Variants in ANK2 observed in about 807,000 individuals in gnomAD.
The protein encoded by ANK2 is ankyrin-2.
Under a neutral mutation model 360.5 loss-of-function variants are expected in ANK2, and 83 were observed. The observed-to-expected ratio is 0.23, with a 90% confidence interval of 0.19 to 0.28. The LOEUF (loss-of-function observed/expected upper bound fraction) is 0.28, where lower values mean the gene tolerates loss of function less well. Among genes scored for constraint, ANK2 ranks in the 10% least tolerant of loss-of-function variants. The pLI, the probability that ANK2 is intolerant of heterozygous loss-of-function variation, is 1.00. For synonymous variants in ANK2, 1,740 were observed against 1,759.5 expected, an observed-to-expected ratio of 0.99 and a Z score of 0.28; for missense variants, 4,201 against 4,795.7, an observed-to-expected ratio of 0.88 and a Z score of 3.66.
At chr4:113,380,904 T>TTA (rs2154090790) in intron 45 of ANK2, among the ~76,000 whole-genome samples, 1 of 152,334 alleles carries the variant, frequency 6.6e-6, no homozygotes, top group African/African-American at 2.4e-5. Flanking sequence ...AGCCACCTTC[T>TTA]TATATATTGA....
the ANK2 span, among the ~76,000 whole-genome samples, chr4:112,796,608 C>G: frequency 6.6e-6 from 1 of 151,364 alleles, no homozygotes; most frequent in Non-Finnish European, 1.5e-5. Flanking sequence ...CTTTGGCCTC[C>G]CAAAGTTCTA....
chr4:112,792,426 G>A, the ANK2 span, among the ~76,000 whole-genome samples: 1 of 152,144 alleles, frequency 6.6e-6, no homozygotes, highest in Non-Finnish European at 1.5e-5. Flanking sequence ...TGGACCTAGT[G>A]ACAACTAAAC....
intron 2 of ANK2, among the ~76,000 whole-genome samples, chr4:112,939,179 A>G (rs1449141126): frequency 6.6e-6 from 1 of 152,244 alleles, no homozygotes; most frequent in Non-Finnish European, 1.5e-5. Flanking sequence ...AAATATTTTC[A>G]TGGCTATTTT....
chr4:112,976,877 T>G (rs2041612155), intron 2 of ANK2, among the ~76,000 whole-genome samples: 1 of 152,224 alleles, frequency 6.6e-6, no homozygotes, highest in African/African-American at 2.4e-5. Context: ...ATATCCTCCT[T>G]GGACTCATTT....
chr4:112,893,718 A>G (rs1174091489), intron 1 of ANK2, among the ~76,000 whole-genome samples: 1 of 152,180 alleles, frequency 6.6e-6, no homozygotes, highest in South Asian at 2.1e-4. Context: ...CATGCAGGCC[A>G]GGTGCAGTGG....
chr4:113,199,835 A>G (rs1003638082), intron 4 of ANK2, among the ~76,000 whole-genome samples: 1 of 152,142 alleles, frequency 6.6e-6, no homozygotes, highest in African/African-American at 2.4e-5. Flanking sequence ...ATCATGGAGG[A>G]TATTAGCAAA....
chr4:113,089,533 A>T (rs1384090964), intron 1 of ANK2, among the ~76,000 whole-genome samples: 1 of 152,234 alleles, frequency 6.6e-6, no homozygotes, highest in African/African-American at 2.4e-5. Context: ...ATCAATTAAA[A>T]AAGCAGATGA....
At chr4:112,976,028 C>T (rs993650514) in intron 2 of ANK2, among the ~76,000 whole-genome samples, 15 of 152,224 alleles carry the variant, frequency 9.9e-5, no homozygotes, top group Non-Finnish European at 1.8e-4. Context: ...AATATGCTCA[C>T]ACATGCTCTG....
intron 1 of ANK2, among the ~76,000 whole-genome samples, chr4:113,120,420 A>G (rs1318383847): frequency 6.6e-6 from 1 of 152,162 alleles, no homozygotes; most frequent in African/African-American, 2.4e-5. Flanking sequence ...GTGATTTATC[A>G]GCGTTTTCAC....
intron 1 of ANK2, among the ~76,000 whole-genome samples, chr4:113,093,617 G>A (rs1581353135): frequency 6.6e-6 from 1 of 152,172 alleles, no homozygotes; most frequent in East Asian, 1.9e-4. Context: ...TGGGATTACA[G>A]GTGTGAGCCA....
chr4:112,933,595 G>C (rs980236133), intron 2 of ANK2, among the ~76,000 whole-genome samples: 1 of 152,094 alleles, frequency 6.6e-6, no homozygotes, highest in South Asian at 2.1e-4. Context: ...CTGCCTCCTG[G>C]GTTCAAGCGA....
upstream of ANK2, among the ~76,000 whole-genome samples, chr4:113,047,688 A>G (rs930818765): frequency 6.6e-6 from 1 of 150,594 alleles, no homozygotes; most frequent in Non-Finnish European, 1.5e-5. Flanking sequence ...TTAAAAAAAA[A>G]GAGAGAACCT....
At chr4:113,191,557 A>G (rs957105683) in intron 2 of ANK2, among the ~76,000 whole-genome samples, 6 of 152,218 alleles carry the variant, frequency 3.9e-5, no homozygotes, top group Non-Finnish European at 8.8e-5. Context: ...CGTATGTTGA[A>G]CTCAAAAATG....
Position 113,262,430 on chromosome 4 carries a change from A to C in ANK2, c.1387-2467A>C, listed in dbSNP as rs143959660. ...ATTTATTTAGAGAAGAGATCTTGCT[A>C]TGTCTCCCACCCTGGTCTTGAATGC... On this transcript the variant is annotated intron_variant, in intron 13 of 45. Transcript: ENST00000357077. 7.0e-3 allele frequency among the ~76,000 whole-genome samples: 1,069 copies of C among 152,040 alleles called. 30 individuals are homozygous for C. The highest frequency in any genetic ancestry group is 0.042 in the East Asian group (216 of 5,148).
At chr4:112,734,615 G>A in the ANK2 span, among the ~76,000 whole-genome samples, 1 of 152,026 alleles carries the variant, frequency 6.6e-6, no homozygotes, top group Admixed American at 6.6e-5. Flanking sequence ...TTTTCTTTCG[G>A]GATTTCAAGA....
At chr4:113,088,950 A>G (rs1303331041) in intron 1 of ANK2, among the ~76,000 whole-genome samples, 1 of 152,220 alleles carries the variant, frequency 6.6e-6, no homozygotes, top group Non-Finnish European at 1.5e-5. Flanking sequence ...CTAGTTAATT[A>G]TCACAACATA....
chr4:113,373,811 G>A (rs1485720405), intron 45 of ANK2, among the ~76,000 whole-genome samples: 1 of 152,206 alleles, frequency 6.6e-6, no homozygotes, highest in East Asian at 1.9e-4. Context: ...GCACTGTGGT[G>A]CTTGTGCCTG....
intron 1 of ANK2, among the ~76,000 whole-genome samples, chr4:113,140,559 G>T (rs879533741): frequency 2.0e-5 from 3 of 152,090 alleles, no homozygotes; most frequent in Non-Finnish European, 2.9e-5. Flanking sequence ...AATAATCCTT[G>T]GATCTTGGAG....
intron 32 of ANK2, among the ~76,000 whole-genome samples, chr4:113,340,035 A>G (rs1370626427): frequency 6.6e-6 from 1 of 152,130 alleles, no homozygotes; most frequent in Admixed American, 6.5e-5. Context: ...TAGTTAAGTA[A>G]TGGCATAGCA....
Sources: gnomAD v4.1 joint callset for allele counts (sites outside exome capture counted in the v4.1 genomes callset) on GRCh38, gnomAD v4.1.1 for gene constraint, MANE v1.5 for transcripts, NCBI Gene and HGNC (gene_info 2026-07-23, HGNC 2026-07-21) for gene names.